Variants in CLIP4 observed in about 807,000 individuals in gnomAD.
CLIP4 encodes CAP-Gly domain-containing linker protein 4.
CLIP4 carries 47 observed loss-of-function variants against 73.1 expected under a neutral mutation model. That is an observed-to-expected ratio of 0.64 (90% CI 0.51 to 0.82). The LOEUF (loss-of-function observed/expected upper bound fraction) is 0.82, where lower values mean the gene tolerates loss of function less well. CLIP4 is among the 40% of genes least tolerant of loss of function. The probability of loss-of-function intolerance (pLI) is 0.00; values close to 1 mark genes in which losing one functional copy is unlikely to be tolerated. For synonymous variants in CLIP4, 306 were observed against 295.4 expected (o/e 1.04, Z -0.37); for missense variants, 874 against 852.9 (o/e 1.02, Z -0.31).
chr2:29,166,939 A>G (rs1667661829), intron 13 of CLIP4, among the ~76,000 whole-genome samples: 1 of 152,196 alleles, frequency 6.6e-6, no homozygotes, highest in African/African-American at 2.4e-5. Context: ...TTTTAAAGAT[A>G]AAGAATGATT....
At chr2:29,105,759 G>C (rs1668183582) in intron 1 of CLIP4, among the ~76,000 whole-genome samples, 1 of 152,186 alleles carries the variant, frequency 6.6e-6, no homozygotes, top group South Asian at 2.1e-4. Flanking sequence ...AGACCTCAGA[G>C]AGCTCCTTTT....
intron 14 of CLIP4, among the ~76,000 whole-genome samples, chr2:29,171,198 A>C (rs1366731549): frequency 2.6e-5 from 4 of 152,186 alleles, no homozygotes; most frequent in African/African-American, 9.7e-5. Flanking sequence ...AAGAACTGAC[A>C]TGTTAATATT....
intron 15 of CLIP4, 113 bp from the exon 16 acceptor site, chr2:29,181,459 C>A: frequency 2.3e-6 from 2 of 873,016 alleles, no homozygotes; most frequent in Non-Finnish European, 3.5e-6. Flanking sequence ...AAAGTATTCT[C>A]TTTTGGGAAC....
At chr2:29,126,163 C>T (rs542699599) in intron 2 of CLIP4, among the ~76,000 whole-genome samples, 11 of 152,118 alleles carry the variant, frequency 7.2e-5, no homozygotes, top group East Asian at 3.9e-4. Flanking sequence ...CCAGCCTGGG[C>T]GAGAGAGTGA....
chr2:29,126,952 A>G (rs974294182), intron 2 of CLIP4, among the ~76,000 whole-genome samples: 1 of 152,212 alleles, frequency 6.6e-6, no homozygotes, highest in African/African-American at 2.4e-5. Context: ...CAAAGACAAT[A>G]AACAGGACTA....
intron 6 of CLIP4, among the ~76,000 whole-genome samples, chr2:29,138,044 C>T (rs993129398): frequency 1.3e-5 from 2 of 152,088 alleles, no homozygotes; most frequent in East Asian, 3.8e-4. Context: ...TTTTTGTTGC[C>T]TTCGCTTTTG....
In CLIP4 at chr2:29,131,395, G is replaced by A. The variant is rs1242973272; in HGVS notation, c.271G>A (p.Glu91Lys). ...VQQNIDIIGN[E>K]ILKRGCNVND... ...ACAAAACATTGACATTATTGGAAAT[G>A]AGGTAAGGAATTCTTACATTTTAAG... is the stretch of plus-strand genomic sequence containing the variant. The change falls in exon 3 of 16, where the codon GAG (glutamate) becomes AAG (lysine). Residue 91 changes from glutamate (E) to lysine (K), a missense_variant and splice_region_variant. Coordinates refer to ENST00000320081, the MANE Select transcript of CLIP4 (RefSeq NM_024692.6). The A allele has an allele frequency of 6.3e-7, 1 of 1,591,120 alleles. No individual in the cohort carries two copies. Among genetic ancestry groups the A allele is most frequent in the Non-Finnish European group, 8.5e-7 (1 of 1,172,850 alleles).
At chr2:29,141,419 G>A (rs377206860) in intron 6 of CLIP4, among the ~76,000 whole-genome samples, 1 of 152,092 alleles carries the variant, frequency 6.6e-6, no homozygotes, top group Non-Finnish European at 1.5e-5. Flanking sequence ...TTTCAGTGGG[G>A]TGTTGAAGTC....
intron 1 of CLIP4, among the ~76,000 whole-genome samples, chr2:29,098,122 C>T (rs76575182): frequency 6.6e-6 from 1 of 152,310 alleles, no homozygotes; most frequent in East Asian, 1.9e-4. Context: ...TACAGGAATG[C>T]AACCTTTTGT....
chr2:29,179,208 A>G (rs1030797848), intron 15 of CLIP4, among the ~76,000 whole-genome samples: 8 of 152,176 alleles, frequency 5.3e-5, no homozygotes, highest in African/African-American at 1.7e-4. Flanking sequence ...TCCTGATTCA[A>G]TGTTCCCTCC....
intron 1 of CLIP4, among the ~76,000 whole-genome samples, chr2:29,106,939 C>T (rs1024703529): frequency 2.0e-5 from 3 of 152,170 alleles, no homozygotes; most frequent in African/African-American, 4.8e-5. Context: ...CCTTAACTAT[C>T]CCCTGCTGTT....
chr2:29,121,350 CT>C lies in CLIP4; in HGVS notation c.-15-15del, dbSNP rs147104266. The C allele has an allele frequency of 1.6e-3, 2,541 of 1,551,678 alleles. 44 individuals are homozygous for C. In the African/African-American group the frequency reaches 0.03, roughly 19 times the overall value. On this transcript the variant is annotated intron_variant, in intron 1 of 15. Transcript: ENST00000320081. ...GTTGCATACAAATAAAGTAGAAACACTTTTTTTTTCTTTCTTATTATAGGTG... is the reference window on the plus strand; with the variant it reads ...GTTGCATACAAATAAAGTAGAAACACTTTTTTTTCTTTCTTATTATAGGTG...
rs370799031 is a variant in CLIP4 at position 29,183,042 on chromosome 2, G to A, written c.*1149G>A. ...CTGCCTGTTACAAAGCTACAGAACT[G>A]TATTGTTTTTATTTTCCTTCTTGAG... On this transcript the variant is annotated 3_prime_UTR_variant, in exon 16 of 16. Coordinates refer to ENST00000320081, the MANE Select transcript of CLIP4 (RefSeq NM_024692.6). The A allele has an allele frequency of 6.6e-6, 1 of 152,326 alleles. No homozygotes were observed. The highest frequency in any genetic ancestry group is 1.5e-5 in the Non-Finnish European group (1 of 68,020). The allele number at this position is 152,326 out of a possible 1,614,324, so 9.4% of individuals were successfully genotyped here.
Position 29,181,807 on chromosome 2 carries a change from A to G in CLIP4, c.2032A>G (p.Lys678Glu). ...GGGTGACAAGCGCTATTTCACCTGT[A>G]AGCCGAACCATGGAGTCTTAGTTCG... ...SVGDKRYFTC[K>E]PNHGVLVRPS... Residue 678 changes from lysine to glutamate, a missense_variant, in exon 16 of 16, where the codon AAG becomes GAG. By Grantham distance (56) the Lys-to-Glu change is moderately conservative. Coordinates refer to ENST00000320081, the MANE Select transcript of CLIP4 (RefSeq NM_024692.6). The G allele has an allele frequency of 1.2e-6, 2 of 1,614,192 alleles. No homozygotes were observed. The highest frequency in any genetic ancestry group is 2.2e-5 in the South Asian group (2 of 91,084).
intron 6 of CLIP4, among the ~76,000 whole-genome samples, chr2:29,141,540 C>T (rs1440004887): frequency 2.0e-5 from 3 of 152,166 alleles, no homozygotes; most frequent in Non-Finnish European, 4.4e-5. Context: ...ATAGTTAAGT[C>T]TTCTTGTTGA....
intron 1 of CLIP4, among the ~76,000 whole-genome samples, chr2:29,107,254 A>G (rs1668234142): frequency 6.6e-6 from 1 of 151,188 alleles, no homozygotes; most frequent in South Asian, 2.1e-4. Flanking sequence ...AAGACAACTC[A>G]GTGGTACTTT....
intron 2 of CLIP4, among the ~76,000 whole-genome samples, chr2:29,125,145 T>G (rs779908702): frequency 6.6e-6 from 1 of 152,194 alleles, no homozygotes; most frequent in Non-Finnish European, 1.5e-5. Flanking sequence ...TGTTCCCTAC[T>G]ACTGAGAATT....
upstream of CLIP4, among the ~76,000 whole-genome samples, chr2:29,111,416 A>ATT (rs1329906165): frequency 2.3e-4 from 35 of 152,316 alleles, no homozygotes; most frequent in African/African-American, 8.4e-4. Flanking sequence ...ATTGGCAAAC[A>ATT]CTGTACGTTA....
At chr2:29,149,684 A>T in intron 8 of CLIP4, among the ~76,000 whole-genome samples, 1 of 150,876 alleles carries the variant, frequency 6.6e-6, no homozygotes, top group South Asian at 2.1e-4. Flanking sequence ...GCATCCAGTC[A>T]TTGCTTTACA....
Sources: gnomAD v4.1 joint callset for allele counts (sites outside exome capture counted in the v4.1 genomes callset) on GRCh38, gnomAD v4.1.1 for gene constraint, MANE v1.5 for transcripts, NCBI Gene and HGNC (gene_info 2026-07-23, HGNC 2026-07-21) for gene names.